Variants in MYBL1 observed in about 807,000 individuals in gnomAD.
MYBL1 encodes myb-related protein A.
MYBL1 carries 17 observed loss-of-function variants against 96.3 expected under a neutral mutation model. That is an observed-to-expected ratio of 0.18 (90% CI 0.12 to 0.26). The LOEUF is 0.26. Among genes scored for constraint, MYBL1 ranks in the 10% least tolerant of loss-of-function variants. The pLI, the probability that MYBL1 is intolerant of heterozygous loss-of-function variation, is 1.00. For missense variants in MYBL1, 701 were observed against 882.9 expected, an observed-to-expected ratio of 0.79 and a Z score of 2.61; for synonymous variants, 282 against 292.7, an observed-to-expected ratio of 0.96 and a Z score of 0.37.
intron 12 of MYBL1, among the ~76,000 whole-genome samples, chr8:66,569,369 A>T (rs1402140182): frequency 2.2e-5 from 3 of 137,256 alleles, no homozygotes; most frequent in African/African-American, 5.6e-5. Flanking sequence ...ATTTTTTTTG[A>T]GGTGGGGTCT....
intron 10 of MYBL1, among the ~76,000 whole-genome samples, chr8:66,575,130 A>T (rs1156890995): frequency 6.6e-6 from 1 of 152,208 alleles, no homozygotes; most frequent in Non-Finnish European, 1.5e-5. Flanking sequence ...CCTAACATAA[A>T]CATCTACTGT....
rs187174943 is a variant in MYBL1, at chr8:66,600,309, G to A, written c.199-1167C>T. 1.6e-3 allele frequency among the ~76,000 whole-genome samples: 239 copies of A among 152,274 alleles called. 2 individuals carry two copies. Among genetic ancestry groups the A allele is most frequent in the Non-Finnish European group, 2.9e-3 (194 of 68,014 alleles). On this transcript the variant is annotated intron_variant, in intron 3 of 15. Coordinates refer to ENST00000522677, the MANE Select transcript of MYBL1 (RefSeq NM_001080416.4). The stretch of plus-strand genomic sequence containing the variant: ...GACATATAAAGGGACAGATAAAAAT[G>A]TTTTGTCTACCAATGGCTCTTTTGC...
chr8:66,582,701 GGAGTGAAACCCT>G, intron 8 of MYBL1, among the ~76,000 whole-genome samples: 1 of 147,966 alleles, frequency 6.8e-6, no homozygotes, highest in Non-Finnish European at 1.5e-5. Flanking sequence ...CTGGGGGGAC[GGAGTGAAACCCT>G]GCCTCAAAAA....
chr8:66,585,100 C>A (rs1458198030), intron 8 of MYBL1, among the ~76,000 whole-genome samples: 1 of 151,966 alleles, frequency 6.6e-6, no homozygotes, highest in Non-Finnish European at 1.5e-5. Flanking sequence ...AACAAACAAA[C>A]AAACAAACAA....
chr8:66,576,243 T>C lies in MYBL1; in HGVS notation c.1234A>G (p.Ser412Gly). 2.5e-6 allele frequency: 4 copies of C among 1,614,014 alleles called. No individual in the cohort carries two copies. The highest frequency in any genetic ancestry group is 3.3e-4 in the Middle Eastern group (2 of 6,062). ...TTTTTTTTCCCTTCAAGTACAAGACTGACGTTAAATTGGCATTCCATGGCT... is the reference window on the plus strand; with the variant it reads ...TTTTTTTTCCCTTCAAGTACAAGACCGACGTTAAATTGGCATTCCATGGCT... ...EGAMECQFNV[S>G]LVLEGKKNTC... Residue 412 changes from serine to glycine, a missense_variant, in exon 10 of 16, where the codon AGT becomes GGT. Coordinates refer to ENST00000522677, the MANE Select transcript of MYBL1 (RefSeq NM_001080416.4).
chr8:66,572,671 A>AGCGTGTGCTT, intron 11 of MYBL1, 75 bp from the exon 12 acceptor site: 1 of 660,620 alleles, frequency 1.5e-6, no homozygotes, highest in Non-Finnish European at 2.5e-6. Context: ...AAAGCAATTT[A>AGCGTGTGCTT]AGCACACGCT....
At chr8:66,574,765 T>C (rs1330631004) in intron 10 of MYBL1, among the ~76,000 whole-genome samples, 1 of 152,228 alleles carries the variant, frequency 6.6e-6, no homozygotes, top group African/African-American at 2.4e-5. Context: ...ATAAGAAGAT[T>C]GTTTGGAGGC....
intron 6 of MYBL1, among the ~76,000 whole-genome samples, chr8:66,594,967 T>C (rs1314087919): frequency 6.6e-6 from 1 of 152,118 alleles, no homozygotes; most frequent in Non-Finnish European, 1.5e-5. Context: ...GACAGGGAAA[T>C]GTAAAACAAA....
intron 1 of MYBL1, among the ~76,000 whole-genome samples, chr8:66,607,132 A>C (rs7013391): frequency 0.91 from 128,231 of 140,452 alleles, 58,135 homozygotes; most frequent in East Asian, 0.98. Flanking sequence ...AAAACAACAA[A>C]AAAAAAAAAA....
intron 3 of MYBL1, among the ~76,000 whole-genome samples, chr8:66,600,248 T>C (rs1313396616): frequency 2.0e-5 from 3 of 152,166 alleles, no homozygotes; most frequent in African/African-American, 7.2e-5. Context: ...GTTTACAAAA[T>C]TGTTAGTTCA....
chr8:66,573,937 G>A (rs1370644660), intron 10 of MYBL1, among the ~76,000 whole-genome samples: 1 of 151,474 alleles, frequency 6.6e-6, no homozygotes, highest in East Asian at 1.9e-4. Flanking sequence ...CTTTTTCTAT[G>A]AGAGTATTTT....
intron 3 of MYBL1, among the ~76,000 whole-genome samples, chr8:66,600,898 C>T (rs796823835): frequency 1.7e-4 from 26 of 152,038 alleles, no homozygotes; most frequent in African/African-American, 6.0e-4. Context: ...GGACCAGGCG[C>T]GGTAACTCAC....
At chr8:66,572,249 G>A (rs1352396927) in intron 12 of MYBL1, among the ~76,000 whole-genome samples, 4 of 151,748 alleles carry the variant, frequency 2.6e-5, no homozygotes, top group African/African-American at 7.3e-5. Context: ...GAACCCAGGG[G>A]GTGGAGGTTA....
rs763361530 is a variant in MYBL1 at position 66,602,492 on chromosome 8, C to T, written c.52G>A (p.Asp18Asn). The change falls in exon 2 of 16, where the codon GAT (aspartate) becomes AAT (asparagine). Residue 18 changes from aspartate (D) to asparagine (N), a missense_variant. Asp to Asn is a conservative substitution (Grantham distance 23). Transcript: ENST00000522677. ...TGTTGTGGTACTTCATAATCATGAT[C>T]GGCATACTGAAGGTCATCATCCTCA... ...EDEDDDLQYA[D>N]HDYEVPQQKG... 44 of 1,607,800 alleles carry T rather than the reference C, an allele frequency of 2.7e-5. No individual in the cohort carries two copies. Among genetic ancestry groups the T allele is most frequent in the South Asian group, 8.8e-5 (8 of 90,750 alleles).
chr8:66,575,730 C>T (rs1024201935), intron 10 of MYBL1, among the ~76,000 whole-genome samples: 5 of 151,976 alleles, frequency 3.3e-5, no homozygotes, highest in African/African-American at 4.8e-5. Flanking sequence ...GTTGAGGTTG[C>T]GGTGAGCCGT....
chr8:66,577,808 A>G (rs1273387998), intron 9 of MYBL1, among the ~76,000 whole-genome samples: 1 of 152,230 alleles, frequency 6.6e-6, no homozygotes, highest in Non-Finnish European at 1.5e-5. Flanking sequence ...TGGAGGCATC[A>G]TGCTACCTGA....
intron 1 of MYBL1, among the ~76,000 whole-genome samples, chr8:66,605,376 C>CA (rs1810272113): frequency 6.6e-6 from 1 of 151,896 alleles, no homozygotes; most frequent in Non-Finnish European, 1.5e-5. Flanking sequence ...GGCCAGCATA[C>CA]AAAGAATAGC....
rs1464659624 is a variant in MYBL1, at chr8:66,575,539, C to A, written c.1470+468G>T. ...GGAGCAGTGGCTCACGCCTGTAATCCCAACACTTTGGGAGCCAAGGCAGGT... is the reference window on the plus strand; with the variant it reads ...GGAGCAGTGGCTCACGCCTGTAATCACAACACTTTGGGAGCCAAGGCAGGT... On this transcript the variant is annotated intron_variant, in intron 10 of 15. Coordinates refer to ENST00000522677, the MANE Select transcript of MYBL1 (RefSeq NM_001080416.4). 2.0e-5 allele frequency among the ~76,000 whole-genome samples: 3 copies of A among 152,134 alleles called. No individual in the cohort carries two copies. The East Asian group carries it at 5.8e-4, about 29-fold the overall frequency.
At chr8:66,607,968 A>G (rs1264762818) in intron 1 of MYBL1, among the ~76,000 whole-genome samples, 1 of 152,166 alleles carries the variant, frequency 6.6e-6, no homozygotes, top group African/African-American at 2.4e-5. Flanking sequence ...GCTTTAAAAT[A>G]CAGGTTATTT....
Sources: gnomAD v4.1 joint callset for allele counts (sites outside exome capture counted in the v4.1 genomes callset) on GRCh38, gnomAD v4.1.1 for gene constraint, MANE v1.5 for transcripts, NCBI Gene and HGNC (gene_info 2026-07-23, HGNC 2026-07-21) for gene names.